TREML1: variants seen among roughly 807,000 people sequenced by gnomAD.
TREML1 encodes triggering receptor expressed on myeloid cells like 1, also known as trem-like transcript 1 protein.
In TREML1, 27 loss-of-function variants were observed where a neutral mutation model predicts 22.8. The observed-to-expected ratio is 1.19, with a 90% CI of 0.87 to 1.64. TREML1 has a LOEUF of 1.64. Among genes scored for constraint, TREML1 ranks in the 40% most tolerant of loss-of-function variants. The probability of loss-of-function intolerance (pLI) is 0.00; values close to 1 mark genes in which losing one functional copy is unlikely to be tolerated. For missense variants in TREML1, 356 were observed against 382.0 expected (o/e 0.93, Z 0.57); for synonymous variants, 153 against 161.9 (o/e 0.94, Z 0.42).
chr6:41,151,862 G>A (rs904742701), intron 2 of TREML1, among the ~76,000 whole-genome samples: 3 of 152,150 alleles, frequency 2.0e-5, no homozygotes, highest in African/African-American at 4.8e-5. Context: ...CTGTGACCCT[G>A]CAACCCTAGC....
upstream of TREML1, chr6:41,154,477 G>A (rs1582071912): frequency 1.7e-6 from 1 of 584,108 alleles, no homozygotes; most frequent in East Asian, 2.9e-5. Context: ...CTGCCCTGAG[G>A]GTAAGGGTGG....
At chr6:41,152,058 G>A (rs1450160195) in intron 2 of TREML1, among the ~76,000 whole-genome samples, 2 of 152,176 alleles carry the variant, frequency 1.3e-5, no homozygotes, top group Non-Finnish European at 2.9e-5. Flanking sequence ...CTCTGGGCCT[G>A]GAGACTTGTC....
At chr6:41,151,255 G>A in intron 3 of TREML1, 27 bp downstream of exon 3, 1 of 1,595,060 alleles carries the variant, frequency 6.3e-7, no homozygotes, top group Non-Finnish European at 8.6e-7. Flanking sequence ...CCTTCTCCTG[G>A]CCTCCCAAAT....
chr6:41,154,189 C>T (rs1230181229), intron 1 of TREML1, 57 bp downstream of exon 1: 1 of 1,598,378 alleles, frequency 6.3e-7, no homozygotes, highest in African/African-American at 1.3e-5. Flanking sequence ...ACACGTTACT[C>T]CTGGACATGG....
Position 41,154,264 on chromosome 6 carries a change from G to T in TREML1, c.25C>A (p.Leu9Met). The change falls in exon 1 of 6, where the codon CTG becomes ATG. Residue 9 changes from leucine to methionine, a missense_variant. By Grantham distance (15) the Leu-to-Met change is conservative. Coordinates refer to ENST00000426005, the MANE Select transcript of TREML1 (RefSeq NM_178174.4). MGLTLLLL[L>M]LLGLEGQGIV... ...ACCTTACCTTCTAGTCCCAGGAGCA[G>T]CAGCAAGAGCAGGGTGAGGCCCATG... is the stretch of plus-strand genomic sequence containing the variant. 6.2e-6 allele frequency: 10 copies of T among 1,614,096 alleles called. No homozygotes were observed. The highest frequency in any genetic ancestry group is 8.5e-6 in the Non-Finnish European group (10 of 1,179,990).
chr6:41,152,952 G>A (rs1274185438), intron 2 of TREML1, among the ~76,000 whole-genome samples: 1 of 151,846 alleles, frequency 6.6e-6, no homozygotes, highest in African/African-American at 2.4e-5. Context: ...ATGAGAAAAG[G>A]AAGACCTAAA....
chr6:41,154,724 G>A (rs1765377271), upstream of TREML1, among the ~76,000 whole-genome samples: 4 of 152,154 alleles, frequency 2.6e-5, no homozygotes, highest in Admixed American at 1.3e-4. Context: ...AGTGCCCCAC[G>A]ACCACCCAAG....
At chr6:41,153,413 A>C (rs1434368858) in intron 2 of TREML1, among the ~76,000 whole-genome samples, 1 of 151,806 alleles carries the variant, frequency 6.6e-6, no homozygotes, top group East Asian at 1.9e-4. Context: ...GGTTTTATAC[A>C]CTCAGATTCA....
chr6:41,153,546 T>C (rs924590505), intron 2 of TREML1, among the ~76,000 whole-genome samples: 1 of 151,920 alleles, frequency 6.6e-6, no homozygotes, highest in African/African-American at 2.4e-5. Context: ...AGCGCAGTAG[T>C]GTGGAAGGGG....
chr6:41,153,951 G>C lies in TREML1; in HGVS notation c.183C>G (p.Pro61=). 1 of 1,614,198 alleles carries C rather than the reference G, an allele frequency of 6.2e-7. No individual in the cohort carries two copies. ...WCRFLPEGCQ[P]LVSSAVDRRA... ...TGCGATCCACAGCTGAGGACACCAG[G>C]GGCTGGCACCCCTCCGGCAAGAACC... Residue 61 remains proline, a synonymous_variant, in exon 2 of 6, where the codon CCC becomes CCG. Coordinates refer to ENST00000426005, the MANE Select transcript of TREML1 (RefSeq NM_178174.4).
Position 41,153,078 on chromosome 6 carries a change from T to G in TREML1, c.376+680A>C, listed in dbSNP as rs370725562. ...CTTTCTTAAAAAAAAAAACCCAAGT[T>G]TTTAATATTTTAAAATTTTCTTTTA... is the stretch of plus-strand genomic sequence containing the variant. On this transcript the variant is annotated intron_variant, in intron 2 of 5. Coordinates refer to ENST00000426005, the MANE Select transcript of TREML1 (RefSeq NM_178174.4). 3.7e-3 allele frequency among the ~76,000 whole-genome samples: 569 copies of G among 151,846 alleles called. 11 individuals carry two copies. The South Asian group carries it at 0.058, about 16-fold the overall frequency.
chr6:41,150,675 A>G (rs1765221719), intron 4 of TREML1, 144 bp downstream of exon 4: 1 of 716,290 alleles, frequency 1.4e-6, no homozygotes, highest in Non-Finnish European at 2.4e-6. Flanking sequence ...CAGCCCTGGG[A>G]ATTCTAGGAT....
At chr6:41,151,503 G>A (rs1765246077) in intron 2 of TREML1, 119 bp from the exon 3 acceptor site, 3 of 845,590 alleles carry the variant, frequency 3.5e-6, no homozygotes, top group South Asian at 3.0e-5. Flanking sequence ...GGAAGGAGAG[G>A]ACCCCAGGAA....
At chr6:41,153,554 G>A (rs763038580) in intron 2 of TREML1, among the ~76,000 whole-genome samples, 18 of 152,060 alleles carry the variant, frequency 1.2e-4, no homozygotes, top group Non-Finnish European at 5.9e-5. Context: ...AGTGTGGAAG[G>A]GGGAAAGGGA....
rs775602294 is a variant in TREML1 at position 41,154,262 on chromosome 6, C to G, written c.27G>C (p.Leu9=). Residue 9 remains leucine (L), a synonymous_variant, in exon 1 of 6, where the codon CTG becomes CTC. Coordinates refer to ENST00000426005, the MANE Select transcript of TREML1 (RefSeq NM_178174.4). MGLTLLLL[L]LLGLEGQGIV... ...GAACCTTACCTTCTAGTCCCAGGAG[C>G]AGCAGCAAGAGCAGGGTGAGGCCCA... 3 of 1,614,034 alleles carry G rather than the reference C, an allele frequency of 1.9e-6. No homozygotes were observed. The South Asian group carries it at 3.3e-5, about 18-fold the overall frequency.
intron 2 of TREML1, among the ~76,000 whole-genome samples, chr6:41,153,324 G>T (rs1480751491): frequency 6.7e-6 from 1 of 148,660 alleles, no homozygotes; most frequent in Non-Finnish European, 1.5e-5. Flanking sequence ...AATTAATTAA[G>T]GTATGAATTC....
rs375030133 is a variant in TREML1, at chr6:41,154,274, C to A, written c.15G>T (p.Leu5=). MGLT[L]LLLLLLGLEG... ...CTAGTCCCAGGAGCAGCAGCAAGAG[C>A]AGGGTGAGGCCCATGGCTGGGCAGA... is the stretch of plus-strand genomic sequence containing the variant. The change falls in exon 1 of 6, where the codon CTG becomes CTT. Residue 5 remains leucine, a synonymous_variant. Transcript: ENST00000426005. 1.2e-5 allele frequency: 19 copies of A among 1,613,956 alleles called. No homozygotes were observed. The highest frequency in any genetic ancestry group is 1.6e-5 in the Non-Finnish European group (19 of 1,179,994).
At chr6:41,154,555 G>A (rs1246316349), upstream of TREML1, among the ~76,000 whole-genome samples, 2 of 152,220 alleles carry the variant, frequency 1.3e-5, no homozygotes, top group Non-Finnish European at 2.9e-5. Context: ...GCTAAGGGGT[G>A]AGATGGGAGG....
chr6:41,150,447 C>G (rs1006765674), intron 4 of TREML1, 134 bp from the exon 5 acceptor site: 1 of 780,820 alleles, frequency 1.3e-6, no homozygotes, highest in Non-Finnish European at 2.0e-6. Flanking sequence ...CACCACCAAA[C>G]CTTTACCCCT....
Sources: allele counts gnomAD v4.1 joint callset (sites outside exome capture counted in the v4.1 genomes callset), GRCh38; gene constraint gnomAD v4.1.1; transcripts MANE v1.5; gene names NCBI Gene and HGNC (gene_info 2026-07-23, HGNC 2026-07-21).